USP3: variants seen among roughly 807,000 people sequenced by gnomAD.
The protein encoded by USP3 is ubiquitin specific peptidase 3, also known as ubiquitin carboxyl-terminal hydrolase 3.
In USP3, 20 loss-of-function variants were observed where a neutral mutation model predicts 72.3. The ratio of observed to expected loss-of-function variants is 0.28; its 90% confidence interval spans 0.19 to 0.40. The LOEUF (loss-of-function observed/expected upper bound fraction) is 0.40. Ranked by LOEUF, USP3 falls within the 10% of genes least tolerant of loss-of-function variation. The pLI is 1.00. For synonymous variants in USP3, 222 were observed against 225.3 expected, an observed-to-expected ratio of 0.99 and a Z score of 0.13; for missense variants, 479 against 633.9, an observed-to-expected ratio of 0.76 and a Z score of 2.62.
At chr15:63,571,580 A>G (rs1275288646) in intron 9 of USP3, among the ~76,000 whole-genome samples, 1 of 152,150 alleles carries the variant, frequency 6.6e-6, no homozygotes, top group African/African-American at 2.4e-5. Flanking sequence ...ATTAAATGAA[A>G]AATTCTGTTT....
chr15:63,576,562 A>G (rs62012773), intron 11 of USP3, among the ~76,000 whole-genome samples: 18,941 of 152,124 alleles, frequency 0.12, 1,608 homozygotes, highest in South Asian at 0.2. Flanking sequence ...TAGATGGCTG[A>G]TTTTTCCCCA....
At position 63,588,636 on chromosome 15, in the gene USP3, G is replaced by T. The variant is rs2067122867; in HGVS notation, c.1216-66G>T. On this transcript the variant is annotated intron_variant, in intron 12 of 14. Coordinates refer to ENST00000380324, the MANE Select transcript of USP3 (RefSeq NM_006537.4). This position sits in a 1 kb window ranked among gnomAD's most constrained non-coding sequence, Gnocchi z 4.6. ...AATGTTATTTACTGAACTGATAGTA[G>T]TATCAAACTTTGACTGAAAGGTAAA... 8.3e-7 allele frequency: 1 copy of T among 1,204,274 alleles called. No homozygotes were observed. Among genetic ancestry groups the T allele is most frequent in the Non-Finnish European group, 1.2e-6 (1 of 822,666 alleles). 74.6% of individuals were successfully genotyped at this position (1,204,274 alleles called of 1,614,324 possible).
At position 63,529,202 on chromosome 15, in the gene USP3, A is replaced by C. The variant is rs1282337089; in HGVS notation, c.92-3445A>C. 1 of 494,806 alleles carries C rather than the reference A, an allele frequency of 2.0e-6. No individual in the cohort carries two copies. Among genetic ancestry groups the C allele is most frequent in the Admixed American group, 2.8e-5 (1 of 35,474 alleles). 30.7% of individuals were successfully genotyped at this position (494,806 alleles called of 1,614,324 possible). A position where few individuals can be genotyped will look rare whatever the true frequency, so the allele number is the denominator to read the frequency against. On this transcript the variant is annotated intron_variant, in intron 1 of 14. Coordinates refer to ENST00000380324, the MANE Select transcript of USP3 (RefSeq NM_006537.4). This position sits in a 1 kb window ranked among gnomAD's most constrained non-coding sequence, Gnocchi z 4.2. The stretch of plus-strand genomic sequence containing the variant: ...GGTTTTTTTTTTTTTCTTTTTTTTG[A>C]GATATATTAAAAGGCACAGTCCATA...
intron 7 of USP3, 31 bp from the exon 8 acceptor site, chr15:63,562,864 T>C (rs756046058): frequency 4.1e-6 from 6 of 1,479,164 alleles, no homozygotes; most frequent in Non-Finnish European, 4.6e-6. Flanking sequence ...CTCTCACTAA[T>C]CTGAGGGCAC....
Position 63,511,270 on chromosome 15 carries a change from A to AAAAAAAAAAAAAAAG in USP3, c.91+6452_91+6453insAAGAAAAAAAAAAAA, listed in dbSNP as rs1219796390. Reference sequence around the variant, plus strand: ...GACTTTTAGCTTGCTTTTTCTTAAAAAAAAAAAAAAAAGAGTCTTTATTTT... The same window carrying AAAAAAAAAAAAAAAG: ...GACTTTTAGCTTGCTTTTTCTTAAAAAAAAAAAAAAAAAAGAAAAAAAAAAAAGAGTCTTTATTTT... On this transcript the variant is annotated intron_variant, in intron 1 of 14. Transcript: ENST00000380324. 8.8e-3 allele frequency among the ~76,000 whole-genome samples: 1,297 copies of AAAAAAAAAAAAAAAG among 148,134 alleles called. 42 individuals are homozygous for AAAAAAAAAAAAAAAG. Among genetic ancestry groups the AAAAAAAAAAAAAAAG allele is most frequent in the African/African-American group, 0.031 (1,243 of 40,282 alleles).
At chr15:63,537,754 C>A (rs532748431) in intron 3 of USP3, among the ~76,000 whole-genome samples, 2 of 152,106 alleles carry the variant, frequency 1.3e-5, no homozygotes, top group Non-Finnish European at 2.9e-5. Flanking sequence ...GGCGCAATAT[C>A]GGCTCACCTC....
intron 1 of USP3, among the ~76,000 whole-genome samples, chr15:63,507,862 AAT>A (rs1444489039): frequency 1.3e-5 from 2 of 151,802 alleles, no homozygotes; most frequent in Non-Finnish European, 2.9e-5. Flanking sequence ...AAAAACTTAA[AAT>A]ATGTATTTAT....
rs192146085 is a variant in USP3, at chr15:63,527,120, C to T, written c.92-5527C>T. Among the ~76,000 whole-genome samples the T allele has an allele frequency of 6.8e-4, 103 of 152,308 alleles. 1 individual carries two copies. The highest frequency in any genetic ancestry group is 2.4e-3 in the Admixed American group (37 of 15,300). On this transcript the variant is annotated intron_variant, in intron 1 of 14. Transcript: ENST00000380324. ...CTGTGTTGCCCGGGCTGGTCTTGAA[C>T]TCCTGGGCTCAAGCAATCCTCCCAC...
intron 1 of USP3, among the ~76,000 whole-genome samples, chr15:63,509,871 T>C (rs888964257): frequency 3.3e-5 from 5 of 152,160 alleles, no homozygotes; most frequent in Non-Finnish European, 7.4e-5. Flanking sequence ...ATTTACTTGT[T>C]GTGAAGAAGT....
rs185348572 is a variant in USP3 at position 63,519,795 on chromosome 15, C to G, written c.92-12852C>G. 4.6e-5 allele frequency among the ~76,000 whole-genome samples: 7 copies of G among 152,258 alleles called. No homozygotes were observed. In the East Asian group the frequency reaches 7.7e-4, roughly 17 times the overall value. ...ATTCTTTTACATGTTAGTTGGCATT[C>G]TGCTATAAGAAAGAACTTTCTCCCC... On this transcript the variant is annotated intron_variant, in intron 1 of 14. Coordinates refer to ENST00000380324, the MANE Select transcript of USP3 (RefSeq NM_006537.4).
intron 3 of USP3, among the ~76,000 whole-genome samples, chr15:63,539,432 T>C (rs758847166): frequency 6.6e-6 from 1 of 152,200 alleles, no homozygotes; most frequent in Non-Finnish European, 1.5e-5. Context: ...CTGAGGAAAC[T>C]AACTGTTAAA....
In USP3 at chr15:63,544,640, G is replaced by A; in HGVS notation, c.284+7484G>A. The A allele has an allele frequency of 1.4e-6, 1 of 698,052 alleles. No homozygotes were observed. The allele number at this position is 698,052 out of a possible 1,614,324, so 43.2% of individuals were successfully genotyped here. A position where few individuals can be genotyped will look rare whatever the true frequency, so the allele number is the denominator to read the frequency against. On this transcript the variant is annotated intron_variant, in intron 3 of 14. Coordinates refer to ENST00000380324, the MANE Select transcript of USP3 (RefSeq NM_006537.4). This position sits in a 1 kb window ranked among gnomAD's most constrained non-coding sequence, Gnocchi z 4.2. ...GTGTGTTTTCATTTTTGGAGAATGG[G>A]GGAAGAATGTAAAGATGGAGATGAC...
In USP3 at chr15:63,517,703, T is replaced by C. The variant is rs117108143; in HGVS notation, c.91+12873T>C. Among the ~76,000 whole-genome samples, 475 of 152,298 alleles carry C rather than the reference T, an allele frequency of 3.1e-3. 1 individual carries two copies. Among genetic ancestry groups the C allele is most frequent in the Non-Finnish European group, 5.1e-3 (349 of 68,016 alleles). ...TGGCCACTGATGTTCTGAGATCAGA[T>C]TGCAGAAGTTCCATGACTCAGTTGT... On this transcript the variant is annotated intron_variant, in intron 1 of 14. Coordinates refer to ENST00000380324, the MANE Select transcript of USP3 (RefSeq NM_006537.4).
rs117105556 is a variant in USP3, at chr15:63,529,780, C to T, written c.92-2867C>T. 9.0e-3 allele frequency among the ~76,000 whole-genome samples: 1,374 copies of T among 152,212 alleles called. 14 individuals carry two copies. The highest frequency in any genetic ancestry group is 0.016 in the Non-Finnish European group (1,084 of 68,008). ...ATTCTGCTCCAGATTTCTTTTTCCTCGTACAAAGGAGGGACAAAAATCCTC... is the reference window on the plus strand; with the variant it reads ...ATTCTGCTCCAGATTTCTTTTTCCTTGTACAAAGGAGGGACAAAAATCCTC... On this transcript the variant is annotated intron_variant, in intron 1 of 14. Transcript: ENST00000380324. This position sits in a 1 kb window ranked among gnomAD's most constrained non-coding sequence, Gnocchi z 4.2.
At chr15:63,508,344 T>C (rs1439528622) in intron 1 of USP3, among the ~76,000 whole-genome samples, 1 of 152,158 alleles carries the variant, frequency 6.6e-6, no homozygotes, top group Non-Finnish European at 1.5e-5. Context: ...CTGAGGTTTT[T>C]GAAATGTATT....
At chr15:63,584,020 C>T (rs1372113369) in intron 11 of USP3, among the ~76,000 whole-genome samples, 3 of 151,008 alleles carry the variant, frequency 2.0e-5, no homozygotes, top group South Asian at 2.1e-4. Flanking sequence ...GTTTAACTTT[C>T]GGAAGTACTG....
chr15:63,581,601 A>G (rs1205534750), intron 11 of USP3, among the ~76,000 whole-genome samples: 1 of 131,004 alleles, frequency 7.6e-6, no homozygotes, highest in Admixed American at 8.8e-5. Context: ...GGGTTTCACC[A>G]TATTGGTCTG....
Position 63,592,974 on chromosome 15 carries a change from C to G in USP3, c.*2148C>G, listed in dbSNP as rs1445815319. 1 of 152,150 alleles carries G rather than the reference C, an allele frequency of 6.6e-6. No individual in the cohort carries two copies. Among genetic ancestry groups the G allele is most frequent in the Non-Finnish European group, 1.5e-5 (1 of 68,032 alleles). 9.4% of individuals were successfully genotyped at this position (152,150 alleles called of 1,614,324 possible). A position where few individuals can be genotyped will look rare whatever the true frequency, so the allele number is the denominator to read the frequency against. On this transcript the variant is annotated 3_prime_UTR_variant, in exon 15 of 15. Transcript: ENST00000380324. ...ACTTATATCATCCAGTACAATGGCC[C>G]CTAGCCACATGTGACTGAAATTTAA...
intron 3 of USP3, among the ~76,000 whole-genome samples, chr15:63,552,776 T>G (rs1458106033): frequency 6.6e-6 from 1 of 152,198 alleles, no homozygotes; most frequent in Non-Finnish European, 1.5e-5. Flanking sequence ...TTCAGATATG[T>G]TTTTGGAATC....
Sources: allele counts gnomAD v4.1 joint callset (sites outside exome capture counted in the v4.1 genomes callset), GRCh38; gene constraint gnomAD v4.1.1; non-coding constraint Gnocchi (gnomAD v3.1); transcripts MANE v1.5; gene names NCBI Gene and HGNC (gene_info 2026-07-23, HGNC 2026-07-21).